Variants in DLC1 observed in about 807,000 individuals in gnomAD.
DLC1 encodes the protein rho GTPase-activating protein 7.
Under a neutral mutation model 140.3 loss-of-function variants are expected in DLC1, and 54 were observed. That is an observed-to-expected ratio of 0.38 (90% confidence interval 0.31 to 0.48). DLC1 has a LOEUF of 0.48. Among genes scored for constraint, DLC1 ranks in the 20% least tolerant of loss-of-function variants. DLC1 has a pLI of 0.96. For synonymous variants in DLC1, 986 were observed against 728.1 expected (o/e 1.35, Z -5.70); for missense variants, 2,536 against 1,907.0 (o/e 1.33, Z -6.14).
At chr8:13,268,492 C>G (rs1296077442) in intron 5 of DLC1, among the ~76,000 whole-genome samples, 1 of 152,130 alleles carries the variant, frequency 6.6e-6, no homozygotes, top group Non-Finnish European at 1.5e-5. Flanking sequence ...TCAAGTAACC[C>G]TCCCACCTCA....
chr8:13,089,853 C>T (rs1185010556), intron 15 of DLC1, among the ~76,000 whole-genome samples: 2 of 152,148 alleles, frequency 1.3e-5, no homozygotes, highest in African/African-American at 2.4e-5. Context: ...GATCCCCGCT[C>T]ATTAAAGGGC....
At chr8:13,358,477 G>A (rs1027666253) in intron 4 of DLC1, among the ~76,000 whole-genome samples, 7 of 152,122 alleles carry the variant, frequency 4.6e-5, no homozygotes, top group Non-Finnish European at 1.0e-4. Context: ...GTTTTGTGCT[G>A]CTTAACTGCA....
chr8:13,476,192 G>A (rs182909667), intron 2 of DLC1, among the ~76,000 whole-genome samples: 72 of 152,276 alleles, frequency 4.7e-4, no homozygotes, highest in Middle Eastern at 6.8e-3. Context: ...ACCCTGATTA[G>A]CATCACTCAT....
intron 1 of DLC1, among the ~76,000 whole-genome samples, chr8:13,504,051 A>G (rs1465902054): frequency 6.6e-6 from 1 of 152,030 alleles, no homozygotes; most frequent in East Asian, 1.9e-4. Context: ...TAAATTCCAG[A>G]GAATTGCTTG....
At chr8:13,278,024 T>A (rs1481309511) in intron 5 of DLC1, among the ~76,000 whole-genome samples, 1 of 152,240 alleles carries the variant, frequency 6.6e-6, no homozygotes, top group East Asian at 1.9e-4. Context: ...TAACTAACAT[T>A]AGTACCAATG....
At chr8:13,444,253 G>A (rs1798677700) in intron 2 of DLC1, among the ~76,000 whole-genome samples, 1 of 152,078 alleles carries the variant, frequency 6.6e-6, no homozygotes, top group Non-Finnish European at 1.5e-5. Flanking sequence ...TGAACAATGA[G>A]AACACTTGGA....
chr8:13,490,219 T>C (rs1801173242), intron 2 of DLC1, among the ~76,000 whole-genome samples: 2 of 152,226 alleles, frequency 1.3e-5, no homozygotes, highest in Admixed American at 6.5e-5. Context: ...CTGCAAACCC[T>C]TTTGAAGTTT....
intron 1 of DLC1, among the ~76,000 whole-genome samples, chr8:13,578,644 G>A (rs1804932963): frequency 6.6e-6 from 1 of 152,132 alleles, no homozygotes; most frequent in Non-Finnish European, 1.5e-5. Flanking sequence ...ATTTGTTAGA[G>A]CAGCTCACAG....
chr8:13,455,962 C>G (rs1041189499), intron 2 of DLC1, among the ~76,000 whole-genome samples: 2 of 152,152 alleles, frequency 1.3e-5, no homozygotes, highest in African/African-American at 4.8e-5. Flanking sequence ...CTGAAAGCCC[C>G]AAATTTGTGT....
At chr8:13,387,490 G>T (rs1836574044) in intron 4 of DLC1, among the ~76,000 whole-genome samples, 1 of 145,718 alleles carries the variant, frequency 6.9e-6, no homozygotes, top group South Asian at 2.2e-4. Flanking sequence ...AGAATTTCAA[G>T]ATTTTTTTTT....
At position 13,099,762 on chromosome 8, in the gene DLC1, T is replaced by C. The variant is rs2128936722; in HGVS notation, c.2575A>G (p.Ser859Gly). Residue 859 changes from serine to glycine, a missense_variant, in exon 9 of 18, where the codon AGC becomes GGC. Physicochemically the swap from Ser to Gly is moderately conservative, Grantham distance 56 (BLOSUM62 0). Coordinates refer to ENST00000276297, the MANE Select transcript of DLC1 (RefSeq NM_182643.3). ...ISLRRENSSD[S>G]PKELKRRNSS... ...TTGCGTCTCTTCAGTTCCTTGGGGC[T>C]GTCGCTACTGTTTTCCCTCCTGAGG... The C allele has an allele frequency of 6.2e-7, 1 of 1,614,166 alleles. No homozygotes were observed. The highest frequency in any genetic ancestry group is 1.7e-5 in the Admixed American group (1 of 60,018).
chr8:13,583,009 G>T (rs1472694476), intron 1 of DLC1, among the ~76,000 whole-genome samples: 1 of 150,992 alleles, frequency 6.6e-6, no homozygotes, highest in Non-Finnish European at 1.5e-5. Context: ...TAAGTCTTCA[G>T]TGAGTTGTAA....
chr8:13,433,025 T>G (rs1838957518), intron 2 of DLC1, among the ~76,000 whole-genome samples: 1 of 148,402 alleles, frequency 6.7e-6, no homozygotes, highest in South Asian at 2.1e-4. Flanking sequence ...AGAGTCAGTT[T>G]GGAAGGAACA....
chr8:13,269,045 T>G (rs1380407835), intron 5 of DLC1, among the ~76,000 whole-genome samples: 1 of 151,924 alleles, frequency 6.6e-6, no homozygotes, highest in African/African-American at 2.4e-5. Context: ...GGCTAATTTT[T>G]TGTATTTTTA....
chr8:13,408,923 T>C (rs1441628851), intron 2 of DLC1, among the ~76,000 whole-genome samples: 1 of 152,342 alleles, frequency 6.6e-6, no homozygotes, highest in African/African-American at 2.4e-5. Flanking sequence ...AAATTGTTTT[T>C]AGGAATATTA....
chr8:13,508,175 C>A (rs1380808090), intron 1 of DLC1, among the ~76,000 whole-genome samples: 2 of 152,156 alleles, frequency 1.3e-5, no homozygotes, highest in Non-Finnish European at 2.9e-5. Context: ...AATTTTCTTG[C>A]AGAGAGGAGA....
chr8:13,226,757 C>G (rs551522749), intron 5 of DLC1, among the ~76,000 whole-genome samples: 1 of 152,302 alleles, frequency 6.6e-6, no homozygotes, highest in East Asian at 1.9e-4. Flanking sequence ...CCCTGACTTG[C>G]TGCCACACAT....
intron 5 of DLC1, among the ~76,000 whole-genome samples, chr8:13,154,872 A>T (rs989510985): frequency 1.3e-5 from 2 of 152,222 alleles, no homozygotes; most frequent in Non-Finnish European, 2.9e-5. Flanking sequence ...TAAAATTTTG[A>T]TAGGTAGATA....
intron 5 of DLC1, among the ~76,000 whole-genome samples, chr8:13,191,254 C>T (rs188618568): frequency 1.6e-4 from 24 of 152,290 alleles, no homozygotes; most frequent in African/African-American, 5.1e-4. Context: ...TGCCTGTAAT[C>T]CCAGCACTTT....
Sources: gnomAD v4.1 joint callset for allele counts (sites outside exome capture counted in the v4.1 genomes callset) on GRCh38, gnomAD v4.1.1 for gene constraint, MANE v1.5 for transcripts, NCBI Gene and HGNC (gene_info 2026-07-23, HGNC 2026-07-21) for gene names.